OSBPL10: variants seen among roughly 807,000 people sequenced by gnomAD.
The protein encoded by OSBPL10 is oxysterol-binding protein-related protein 10.
A neutral mutation model predicts 81.7 loss-of-function variants in OSBPL10; 49 were observed. The ratio of observed to expected loss-of-function variants is 0.60; its 90% CI spans 0.48 to 0.76. OSBPL10 has a LOEUF of 0.76. Ranked by LOEUF, OSBPL10 falls within the 30% of genes least tolerant of loss-of-function variation. The pLI is 0.00. For synonymous variants in OSBPL10, 419 were observed against 383.6 expected, an observed-to-expected ratio of 1.09 and a Z score of -1.08; for missense variants, 923 against 987.8, an observed-to-expected ratio of 0.93 and a Z score of 0.88.
intron 3 of OSBPL10, among the ~76,000 whole-genome samples, chr3:31,851,740 T>C (rs1437397796): frequency 2.0e-5 from 3 of 152,320 alleles, no homozygotes; most frequent in African/African-American, 7.2e-5. Flanking sequence ...ATTTGTGCAG[T>C]ATCCTGGCAA....
At chr3:31,904,802 T>C (rs960621132) in intron 1 of OSBPL10, among the ~76,000 whole-genome samples, 1 of 152,196 alleles carries the variant, frequency 6.6e-6, no homozygotes, top group African/African-American at 2.4e-5. Context: ...CCTGTCAAAA[T>C]CTGTGTCTAC....
At chr3:31,956,404 G>C (rs1021065128) in intron 1 of OSBPL10, among the ~76,000 whole-genome samples, 1 of 152,260 alleles carries the variant, frequency 6.6e-6, no homozygotes, top group African/African-American at 2.4e-5. Context: ...CAGGTAAGAG[G>C]GACAACAGAG....
At chr3:31,926,601 T>C (rs980922176) in intron 1 of OSBPL10, among the ~76,000 whole-genome samples, 1 of 152,088 alleles carries the variant, frequency 6.6e-6, no homozygotes, top group Non-Finnish European at 1.5e-5. Context: ...GCCACCACAC[T>C]TCAGGAGTTG....
At chr3:31,875,046 G>A (rs1336476940) in intron 3 of OSBPL10, among the ~76,000 whole-genome samples, 2 of 136,892 alleles carry the variant, frequency 1.5e-5, no homozygotes, top group East Asian at 2.2e-4. Context: ...GTAAATCCAT[G>A]TGCCTAATAC....
At chr3:32,037,276 G>C (rs540070844) in intron 2 of OSBPL10, among the ~76,000 whole-genome samples, 1 of 152,338 alleles carries the variant, frequency 6.6e-6, no homozygotes, top group Non-Finnish European at 1.5e-5. Flanking sequence ...GCTTTCATTT[G>C]TTTAGGCATG....
chr3:32,043,328 T>C lies in OSBPL10; in HGVS notation n.298+3163A>G, dbSNP rs140087289. Among the ~76,000 whole-genome samples the C allele has an allele frequency of 2.3e-3, 354 of 152,310 alleles. 5 individuals are homozygous for C. The highest frequency in any genetic ancestry group is 7.8e-3 in the African/African-American group (325 of 41,578). On this transcript the variant is annotated intron_variant and non_coding_transcript_variant, in intron 2 of 3. Transcript: ENST00000479173. ...CCTGCAGGCAGTCAGACCTTATGGT[T>C]GTCTTCCCTTGTTCCCTGAAAATCG...
intron 2 of OSBPL10, chr3:32,046,353 T>G (rs893844347): frequency 6.6e-6 from 1 of 152,278 alleles, no homozygotes; most frequent in African/African-American, 2.4e-5. Context: ...TTTTGCTTTT[T>G]CCTCAACCCC....
Position 31,876,476 on chromosome 3 carries a change from T to G in OSBPL10, c.494A>C (p.Gln165Pro). The G allele has an allele frequency of 6.2e-7, 1 of 1,613,712 alleles. No homozygotes were observed. The highest frequency in any genetic ancestry group is 8.5e-7 in the Non-Finnish European group (1 of 1,179,608). Residue 165 changes from glutamine (Q) to proline (P), a missense_variant, in exon 3 of 12, where the codon CAG becomes CCG. By Grantham distance (76) the Gln-to-Pro change is moderately conservative. Coordinates refer to ENST00000396556, the MANE Select transcript of OSBPL10 (RefSeq NM_017784.5). ...GTGGTATTTGGCACAAGCTCGAAGC[T>G]GAGTCACCCAGAATTGTTTCTCTTT... ...DAKEKQFWVT[Q>P]LRACAKYHME...
chr3:31,965,593 T>C (rs1698332580), intron 1 of OSBPL10, among the ~76,000 whole-genome samples: 1 of 82,426 alleles, frequency 1.2e-5, no homozygotes, highest in Non-Finnish European at 2.1e-5. Flanking sequence ...ATATAAATTA[T>C]ATATTATATA....
chr3:31,987,112 G>GTA, intron 2 of OSBPL10, among the ~76,000 whole-genome samples: 2 of 134,648 alleles, frequency 1.5e-5, no homozygotes. Flanking sequence ...ATATGTATGT[G>GTA]TATACACACA....
intron 2 of OSBPL10, among the ~76,000 whole-genome samples, chr3:32,000,651 C>T (rs1699136764): frequency 6.6e-6 from 1 of 152,192 alleles, no homozygotes; most frequent in Non-Finnish European, 1.5e-5. Flanking sequence ...ACGGTTGTTC[C>T]TCCCTTTACC....
At chr3:31,989,469 A>T (rs757499544) in intron 2 of OSBPL10, 2 of 1,614,110 alleles carry the variant, frequency 1.2e-6, no homozygotes, top group Non-Finnish European at 1.7e-6. Context: ...CTATGACACA[A>T]ATCAAAAAGT....
At chr3:31,801,060 C>CAG (rs1192396028) in intron 4 of OSBPL10, among the ~76,000 whole-genome samples, 1 of 151,776 alleles carries the variant, frequency 6.6e-6, no homozygotes, top group Non-Finnish European at 1.5e-5. Flanking sequence ...GGTTCTCCAA[C>CAG]AGAGGGACGG....
At chr3:32,070,147 G>A (rs1288096651) in intron 1 of OSBPL10, among the ~76,000 whole-genome samples, 1 of 152,156 alleles carries the variant, frequency 6.6e-6, no homozygotes, top group Admixed American at 6.5e-5. Flanking sequence ...TCTTATGGTG[G>A]AGGGTAAGTC....
intron 1 of OSBPL10, among the ~76,000 whole-genome samples, chr3:31,891,527 GC>G (rs1368204985): frequency 6.6e-6 from 1 of 152,166 alleles, no homozygotes; most frequent in African/African-American, 2.4e-5. Flanking sequence ...CCAAAGGTCT[GC>G]CTGCTTATAA....
At chr3:31,987,147 T>C (rs1368538990) in intron 2 of OSBPL10, among the ~76,000 whole-genome samples, 4 of 152,114 alleles carry the variant, frequency 2.6e-5, no homozygotes, top group Non-Finnish European at 5.9e-5. Context: ...TATATACATC[T>C]CCTTCCCTTC....
chr3:31,759,447 T>C (rs372577398), intron 4 of OSBPL10, among the ~76,000 whole-genome samples: 1 of 152,304 alleles, frequency 6.6e-6, no homozygotes, highest in East Asian at 1.9e-4. Flanking sequence ...TAAAAATCTC[T>C]TTTTAATACA....
chr3:31,738,285 A>G (rs1354801900), intron 5 of OSBPL10, among the ~76,000 whole-genome samples: 1 of 152,166 alleles, frequency 6.6e-6, no homozygotes, highest in Non-Finnish European at 1.5e-5. Context: ...ACAGAATAGT[A>G]TAATGAATCC....
At chr3:32,036,876 G>C (rs550589841) in intron 2 of OSBPL10, among the ~76,000 whole-genome samples, 1 of 152,018 alleles carries the variant, frequency 6.6e-6, no homozygotes, top group East Asian at 1.9e-4. Flanking sequence ...TACTCACTCG[G>C]CTCTTGAACC....
Sources: gnomAD v4.1 joint callset for allele counts (sites outside exome capture counted in the v4.1 genomes callset) on GRCh38, gnomAD v4.1.1 for gene constraint, MANE v1.5 for transcripts, NCBI Gene and HGNC (gene_info 2026-07-23, HGNC 2026-07-21) for gene names.